The following DLGAP2 variants were observed in gnomAD, a reference collection of about 807,000 sequenced individuals.
The protein encoded by DLGAP2 is DLG associated protein 2, also known as disks large-associated protein 2.
In DLGAP2, 26 loss-of-function variants were observed where a neutral mutation model predicts 100.3. The observed-to-expected ratio is 0.26, with a 90% CI of 0.19 to 0.36. DLGAP2 has a LOEUF of 0.36. DLGAP2 is among the 10% of genes least tolerant of loss of function. The pLI, the probability that DLGAP2 is intolerant of heterozygous loss-of-function variation, is 1.00. For missense variants in DLGAP2, 1,858 were observed against 1,453.2 expected (o/e 1.28, Z -4.53); for synonymous variants, 886 against 630.1 (o/e 1.41, Z -6.08).
chr8:1,533,772 T>C (rs915816369), intron 4 of DLGAP2, among the ~76,000 whole-genome samples: 1 of 152,054 alleles, frequency 6.6e-6, no homozygotes, highest in South Asian at 2.1e-4. Flanking sequence ...GCCCAGGCAA[T>C]GTGGAGAGAC....
chr8:1,039,564 TGGTGTGCGTGGTCAGCTC>T (rs1563158745), intron 2 of DLGAP2, among the ~76,000 whole-genome samples: 2 of 37,922 alleles, frequency 5.3e-5, no homozygotes, highest in African/African-American at 1.3e-4. Context: ...GTGGTCAGCT[TGGTGTGCGTGGTCAGCTC>T]GGTGTGCGTG....
At chr8:785,506 C>A (rs1485024136) in intron 1 of DLGAP2, among the ~76,000 whole-genome samples, 1 of 147,958 alleles carries the variant, frequency 6.8e-6, no homozygotes, top group East Asian at 2.0e-4. Context: ...TTCCCTCCTC[C>A]CCTCAGGCCT....
chr8:757,116 C>T (rs1820941138), intron 1 of DLGAP2, among the ~76,000 whole-genome samples: 1 of 152,192 alleles, frequency 6.6e-6, no homozygotes, highest in African/African-American at 2.4e-5. Flanking sequence ...CAACCCCCAC[C>T]TCGTGCTGTT....
intron 2 of DLGAP2, among the ~76,000 whole-genome samples, chr8:1,041,832 C>T (rs1328303249): frequency 1.3e-5 from 2 of 152,060 alleles, no homozygotes; most frequent in African/African-American, 2.4e-5. Flanking sequence ...AGCTCCTTGC[C>T]GTGGGTCAGC....
intron 2 of DLGAP2, among the ~76,000 whole-genome samples, chr8:1,221,138 C>G (rs1798306613): frequency 6.6e-6 from 1 of 152,078 alleles, no homozygotes; most frequent in Non-Finnish European, 1.5e-5. Context: ...TCAATTATGT[C>G]ATGTTCTTAG....
At chr8:1,419,201 CGTGCGTGT>C (rs148318982) in intron 3 of DLGAP2, among the ~76,000 whole-genome samples, 39,003 of 133,238 alleles carry the variant, frequency 0.29, 5,551 homozygotes, top group East Asian at 0.52. Flanking sequence ...CACTCTGATG[CGTGCGTGT>C]GTGTGTGTGT....
In DLGAP2 at chr8:830,835, G is replaced by A. The variant is rs187200984; in HGVS notation, c.19-77077G>A. ...GTAAGAAGTAAAATTTCTGACTTTGGTGCCTTACTTTAAAAGCCTTTCTTT... is the reference window on the plus strand; with the variant it reads ...GTAAGAAGTAAAATTTCTGACTTTGATGCCTTACTTTAAAAGCCTTTCTTT... On this transcript the variant is annotated intron_variant, in intron 1 of 14. Coordinates refer to ENST00000637795, the MANE Select transcript of DLGAP2 (RefSeq NM_001346810.2). Among the ~76,000 whole-genome samples, 4 of 150,250 alleles carry A rather than the reference G, an allele frequency of 2.7e-5. No individual in the cohort carries two copies. In the East Asian group the frequency reaches 7.8e-4, roughly 29 times the overall value.
At chr8:948,697 T>G (rs1799396314) in intron 2 of DLGAP2, among the ~76,000 whole-genome samples, 2 of 152,232 alleles carry the variant, frequency 1.3e-5, no homozygotes, top group African/African-American at 4.8e-5. Flanking sequence ...CACGTCTCCC[T>G]GCTGCTCCAG....
At chr8:1,559,663 CA>C (rs572310017) in intron 5 of DLGAP2, among the ~76,000 whole-genome samples, 23 of 152,170 alleles carry the variant, frequency 1.5e-4, no homozygotes, top group African/African-American at 5.1e-4. Flanking sequence ...TTTTAATTCA[CA>C]AAAAAAATCC....
intron 3 of DLGAP2, among the ~76,000 whole-genome samples, chr8:1,336,673 G>A (rs1473592271): frequency 4.6e-5 from 7 of 152,152 alleles, no homozygotes; most frequent in East Asian, 3.8e-4. Flanking sequence ...CTCAAGGAAC[G>A]TGTCTTGCTT....
rs183135825 is a variant in DLGAP2 at position 1,347,734 on chromosome 8, G to C, written c.106+88851G>C. 4.9e-3 allele frequency among the ~76,000 whole-genome samples: 747 copies of C among 151,832 alleles called. 7 individuals are homozygous for C. Among genetic ancestry groups the C allele is most frequent in the Middle Eastern group, 0.017 (5 of 292 alleles). ...GAGCTGCGTTGCACTCATGGTAGCT[G>C]TGTGAAGGTTGAGTTCCCATACACA... is the stretch of plus-strand genomic sequence containing the variant. On this transcript the variant is annotated intron_variant, in intron 3 of 14. Coordinates refer to ENST00000637795, the MANE Select transcript of DLGAP2 (RefSeq NM_001346810.2).
intron 2 of DLGAP2, among the ~76,000 whole-genome samples, chr8:967,039 G>A (rs933622170): frequency 1.3e-5 from 2 of 152,174 alleles, no homozygotes; most frequent in African/African-American, 4.8e-5. Flanking sequence ...GGACATTTGG[G>A]TTACTTTTCT....
At chr8:1,291,463 A>T (rs909436045) in intron 3 of DLGAP2, among the ~76,000 whole-genome samples, 19 of 152,276 alleles carry the variant, frequency 1.2e-4, no homozygotes, top group East Asian at 1.2e-3. Context: ...GGCAAGAATG[A>T]AAGGCAGACG....
intron 2 of DLGAP2, among the ~76,000 whole-genome samples, chr8:950,900 A>G (rs1376327769): frequency 6.6e-6 from 1 of 152,056 alleles, no homozygotes; most frequent in Admixed American, 6.5e-5. Flanking sequence ...CTGGGATTAC[A>G]GACGTGAGCC....
chr8:755,710 TA>T (rs1231698095), intron 1 of DLGAP2, among the ~76,000 whole-genome samples: 1 of 152,170 alleles, frequency 6.6e-6, no homozygotes, highest in Non-Finnish European at 1.5e-5. Context: ...CTGGCATGGC[TA>T]GGGGGCCTGG....
At chr8:1,344,463 C>T (rs1167179326) in intron 3 of DLGAP2, among the ~76,000 whole-genome samples, 10 of 152,218 alleles carry the variant, frequency 6.6e-5, no homozygotes, top group Non-Finnish European at 1.3e-4. Flanking sequence ...GACTCAGACT[C>T]ACCTGTTTGA....
intron 3 of DLGAP2, among the ~76,000 whole-genome samples, chr8:1,275,772 TATATATAAAAATATATAATATATAAATAA>T (rs1799671086): frequency 7.7e-6 from 1 of 129,208 alleles, no homozygotes; most frequent in Non-Finnish European, 1.6e-5. Context: ...AAATATATAT[TATATATAAAAATATATAATATATAAATAA>T]ATATATAAGA....
intron 2 of DLGAP2, among the ~76,000 whole-genome samples, chr8:989,198 G>A (rs186499973): frequency 7.9e-5 from 12 of 152,192 alleles, no homozygotes; most frequent in African/African-American, 2.9e-4. Context: ...GGGCTCTCCC[G>A]CATGCCACAT....
intron 2 of DLGAP2, among the ~76,000 whole-genome samples, chr8:1,228,498 A>G (rs1459277432): frequency 6.6e-6 from 1 of 152,208 alleles, no homozygotes; most frequent in Non-Finnish European, 1.5e-5. Context: ...ATACAATGAC[A>G]TCATAAGAAA....
Sources: allele counts gnomAD v4.1 joint callset (sites outside exome capture counted in the v4.1 genomes callset), GRCh38; gene constraint gnomAD v4.1.1; transcripts MANE v1.5; gene names NCBI Gene and HGNC (gene_info 2026-07-23, HGNC 2026-07-21).